Variants in ENOX1 observed in about 807,000 individuals in gnomAD.
ENOX1 encodes the protein ecto-NOX disulfide-thiol exchanger 1, also known as candidate growth-related and time keeping constitutive hydroquinone (NADH) oxidase.
ENOX1 carries 42 observed loss-of-function variants against 82.5 expected under a neutral mutation model. That is an observed-to-expected ratio of 0.51 (90% confidence interval 0.40 to 0.66). ENOX1 has a LOEUF of 0.66. Ranked by LOEUF, ENOX1 falls within the 30% of genes least tolerant of loss-of-function variation. The pLI, the probability that ENOX1 is intolerant of heterozygous loss-of-function variation, is 0.00. For missense variants in ENOX1, 608 were observed against 811.6 expected (o/e 0.75, Z 3.05); for synonymous variants, 271 against 282.2 (o/e 0.96, Z 0.40).
At chr13:43,718,220 TC>T (rs2088286950) in intron 1 of ENOX1, among the ~76,000 whole-genome samples, 1 of 66,350 alleles carries the variant, frequency 1.5e-5, no homozygotes. Context: ...TGAAATAATG[TC>T]CTTTGTAGCA....
chr13:43,680,576 T>A (rs1214917655), intron 1 of ENOX1, among the ~76,000 whole-genome samples: 3 of 152,194 alleles, frequency 2.0e-5, no homozygotes, highest in Admixed American at 6.6e-5. Flanking sequence ...AACTTCACCA[T>A]AATTAACTGT....
rs995959631 is a variant in ENOX1 at position 43,686,422 on chromosome 13, GA to G, written c.-284-18879del. ...TGAAAGATGAAGGAAAAGATGAGCAGAAAAAAAATGCAGGAGTTCCTTATTT... is the reference window on the plus strand; with the variant it reads ...TGAAAGATGAAGGAAAAGATGAGCAGAAAAAAATGCAGGAGTTCCTTATTT... On this transcript the variant is annotated intron_variant, in intron 1 of 16. Transcript: ENST00000690772. 2.9e-4 allele frequency among the ~76,000 whole-genome samples: 44 copies of G among 151,844 alleles called. No individual in the cohort carries two copies. In the East Asian group the frequency reaches 8.3e-3, roughly 29 times the overall value.
At chr13:43,377,566 A>G (rs1018542859) in intron 5 of ENOX1, among the ~76,000 whole-genome samples, 1 of 152,234 alleles carries the variant, frequency 6.6e-6, no homozygotes, top group African/African-American at 2.4e-5. Context: ...CCTCTGAGTA[A>G]AAATCTAGCC....
chr13:43,638,429 T>A (rs1374973324), intron 2 of ENOX1, among the ~76,000 whole-genome samples: 1 of 151,674 alleles, frequency 6.6e-6, no homozygotes, highest in East Asian at 1.9e-4. Flanking sequence ...AAAACTGTAA[T>A]ATTTGACCCC....
At chr13:43,442,462 C>T (rs1205915336) in intron 3 of ENOX1, among the ~76,000 whole-genome samples, 2 of 152,140 alleles carry the variant, frequency 1.3e-5, no homozygotes, top group Non-Finnish European at 1.5e-5. Context: ...GGGCAAGAGG[C>T]AGCAGTGACC....
At chr13:43,404,198 A>G (rs1488602676) in intron 5 of ENOX1, among the ~76,000 whole-genome samples, 2 of 152,204 alleles carry the variant, frequency 1.3e-5, no homozygotes, top group African/African-American at 4.8e-5. Context: ...TATCTCCTTA[A>G]AACTTCAGTA....
rs574954502 is a variant in ENOX1 at position 43,229,318 on chromosome 13, C to A, written c.1715-5180G>T. Among the ~76,000 whole-genome samples, 6 of 152,290 alleles carry A rather than the reference C, an allele frequency of 3.9e-5. No homozygotes were observed. The South Asian group carries it at 1.2e-3, about 32-fold the overall frequency. The stretch of plus-strand genomic sequence containing the variant: ...GGACTAATACAGCGATTACGTGAAG[C>A]CCTCTCCCTGAGAAAGCAGACCTTC... On this transcript the variant is annotated intron_variant, in intron 15 of 16. Transcript: ENST00000690772.
chr13:43,562,250 TAG>T (rs2079712639), intron 2 of ENOX1, among the ~76,000 whole-genome samples: 1 of 152,080 alleles, frequency 6.6e-6, no homozygotes, highest in African/African-American at 2.4e-5. Flanking sequence ...GTTTAAAGTG[TAG>T]AGTTTTTTAA....
chr13:43,340,433 G>A (rs2048985883), intron 9 of ENOX1, among the ~76,000 whole-genome samples: 1 of 152,212 alleles, frequency 6.6e-6, no homozygotes, highest in Non-Finnish European at 1.5e-5. Context: ...CACAATCTCG[G>A]TTGATATCTG....
At chr13:43,332,358 T>G (rs868084765) in intron 9 of ENOX1, among the ~76,000 whole-genome samples, 8 of 152,306 alleles carry the variant, frequency 5.3e-5, no homozygotes, top group Middle Eastern at 3.4e-3. Flanking sequence ...TGTAAGAATC[T>G]AATGCCGCTG....
chr13:43,647,508 G>A (rs1179403118), intron 2 of ENOX1, among the ~76,000 whole-genome samples: 1 of 152,086 alleles, frequency 6.6e-6, no homozygotes, highest in African/African-American at 2.4e-5. Context: ...TCTGCCATCA[G>A]GAACCAAATT....
chr13:43,739,379 C>A (rs2089788431), intron 1 of ENOX1, among the ~76,000 whole-genome samples: 1 of 151,970 alleles, frequency 6.6e-6, no homozygotes, highest in South Asian at 2.1e-4. Flanking sequence ...AAAACCCCAT[C>A]TCTACTAAAA....
chr13:43,694,520 T>C (rs17064921), intron 1 of ENOX1, among the ~76,000 whole-genome samples: 3,213 of 152,256 alleles, frequency 0.021, 129 homozygotes, highest in African/African-American at 0.074. Context: ...CTCTGGTAGG[T>C]TGTCTTTTGA....
At chr13:43,494,106 T>G (rs1001754740) in intron 2 of ENOX1, among the ~76,000 whole-genome samples, 41 of 152,100 alleles carry the variant, frequency 2.7e-4, no homozygotes, top group African/African-American at 9.4e-4. Context: ...CCATCTGGTC[T>G]CTCCCTTGAC....
chr13:43,295,044 CTGTA>C (rs1566444617), intron 12 of ENOX1, among the ~76,000 whole-genome samples: 1 of 152,160 alleles, frequency 6.6e-6, no homozygotes, highest in African/African-American at 2.4e-5. Context: ...GGTTACGTGA[CTGTA>C]TGCATTTGTC....
intron 15 of ENOX1, among the ~76,000 whole-genome samples, chr13:43,230,452 G>A (rs1354119696): frequency 1.3e-5 from 2 of 152,052 alleles, no homozygotes; most frequent in East Asian, 3.9e-4. Context: ...TGTTGCAAAG[G>A]TACAAGATAG....
intron 2 of ENOX1, among the ~76,000 whole-genome samples, chr13:43,659,570 C>A (rs915444867): frequency 1.4e-4 from 21 of 151,334 alleles, no homozygotes; most frequent in African/African-American, 4.6e-4. Flanking sequence ...TAGTTTTTTT[C>A]TCTCATGATA....
intron 8 of ENOX1, among the ~76,000 whole-genome samples, chr13:43,350,748 G>A (rs1225298000): frequency 1.3e-5 from 2 of 152,114 alleles, no homozygotes; most frequent in Non-Finnish European, 2.9e-5. Context: ...CCCGGCTGGT[G>A]TTTTTTTCCT....
intron 3 of ENOX1, among the ~76,000 whole-genome samples, chr13:43,425,271 C>A (rs1026312105): frequency 6.6e-6 from 1 of 152,068 alleles, no homozygotes; most frequent in Non-Finnish European, 1.5e-5. Context: ...TCCATGGAGG[C>A]TCCCACCCCC....
Sources: allele counts gnomAD v4.1 joint callset (sites outside exome capture counted in the v4.1 genomes callset), GRCh38; gene constraint gnomAD v4.1.1; transcripts MANE v1.5; gene names NCBI Gene and HGNC (gene_info 2026-07-23, HGNC 2026-07-21).